The following CIMAP1C variants were observed in gnomAD, a reference collection of about 807,000 sequenced individuals.
CIMAP1C encodes the protein outer dense fiber of sperm tails 3 like 1.
At chr15:75,724,189 C>T in the CIMAP1C span, 1 of 1,595,470 alleles carries the variant, frequency 6.3e-7, no homozygotes, top group Non-Finnish European at 8.6e-7. Context: ...GCTCCCTGCC[C>T]AGCCCCAGCC....
the CIMAP1C span, chr15:75,725,171 T>A: frequency 6.2e-7 from 1 of 1,613,932 alleles, no homozygotes; most frequent in Non-Finnish European, 8.5e-7. Flanking sequence ...GACATCTCCA[T>A]GTTCAAGGCA....
the CIMAP1C span, among the ~76,000 whole-genome samples, chr15:75,726,409 T>G: frequency 6.6e-6 from 1 of 152,176 alleles, no homozygotes; most frequent in African/African-American, 2.4e-5. Flanking sequence ...CTGTTGTGGA[T>G]GCAATATTGT....
chr15:75,724,996 G>T, the CIMAP1C span: 1 of 689,274 alleles, frequency 1.5e-6, no homozygotes, highest in South Asian at 1.7e-5. Flanking sequence ...GTGGCAGTGC[G>T]ATAGCAGCAA....
At chr15:75,724,160 C>G in the CIMAP1C span, 11 of 1,399,690 alleles carry the variant, frequency 7.9e-6, no homozygotes, top group African/African-American at 1.4e-5. Flanking sequence ...GCTGTTTAGA[C>G]CCTGCTGTAG....
the CIMAP1C span, chr15:75,724,283 C>T: frequency 6.2e-7 from 1 of 1,613,928 alleles, no homozygotes; most frequent in South Asian, 1.1e-5. Context: ...GGCAGGAGGT[C>T]AAGCAGACCC....
At chr15:75,727,365 C>G in the CIMAP1C span, 1 of 1,614,178 alleles carries the variant, frequency 6.2e-7, no homozygotes, top group Non-Finnish European at 8.5e-7. Context: ...AACCGCAGCC[C>G]TACTTACAGC....
chr15:75,727,613 C>T, the CIMAP1C span: 6 of 1,445,134 alleles, frequency 4.2e-6, no homozygotes, highest in Non-Finnish European at 5.6e-6. Context: ...GCAATTTGAC[C>T]AAGATTTCTA....
the CIMAP1C span, chr15:75,727,321 C>A: frequency 5.0e-6 from 8 of 1,614,034 alleles, no homozygotes; most frequent in African/African-American, 1.1e-4. Context: ...CTGGACCTAC[C>A]ACGTACGCCC....
chr15:75,727,663 A>C, the CIMAP1C span: 1 of 945,106 alleles, frequency 1.1e-6, no homozygotes, highest in East Asian at 2.5e-5. Context: ...GGCACACAGA[A>C]GACATTAGAG....
the CIMAP1C span, chr15:75,725,250 G>A: frequency 6.7e-7 from 1 of 1,487,308 alleles, no homozygotes; most frequent in East Asian, 2.3e-5. Context: ...ATCCGGCTGG[G>A]GTTGGAGCTG....
chr15:75,725,284 C>T, the CIMAP1C span: 1 of 1,197,914 alleles, frequency 8.3e-7, no homozygotes, highest in Non-Finnish European at 1.2e-6. Context: ...AGGGGAGAGA[C>T]ATGGAGCCAT....
chr15:75,727,225 C>T, the CIMAP1C span: 4 of 1,614,170 alleles, frequency 2.5e-6, no homozygotes, highest in Non-Finnish European at 3.4e-6. Flanking sequence ...TGGGGCCCAA[C>T]ACCCCTGTCA....
chr15:75,726,525 G>A, the CIMAP1C span, among the ~76,000 whole-genome samples: 1 of 152,156 alleles, frequency 6.6e-6, no homozygotes, highest in East Asian at 1.9e-4. Flanking sequence ...GGTAATCCAA[G>A]GGGAATGTTA....
the CIMAP1C span, chr15:75,725,114 G>A: frequency 6.2e-7 from 1 of 1,613,472 alleles, no homozygotes; most frequent in South Asian, 1.1e-5. Flanking sequence ...ACAGGTCCGG[G>A]GCCCGCCAAG....
At chr15:75,724,919 G>A in the CIMAP1C span, among the ~76,000 whole-genome samples, 1 of 152,192 alleles carries the variant, frequency 6.6e-6, no homozygotes, top group East Asian at 1.9e-4. Flanking sequence ...TCTGTCCAAG[G>A]GAAACTGCAT....
chr15:75,727,174 C>G, the CIMAP1C span: 2 of 1,614,132 alleles, frequency 1.2e-6, no homozygotes, highest in Non-Finnish European at 1.7e-6. Context: ...GAGTGATGGA[C>G]CTCAACCCGG....
At chr15:75,724,242 C>T in the CIMAP1C span, 3,129 of 1,614,138 alleles carry the variant, frequency 1.9e-3, 70 homozygotes, top group African/African-American at 0.037. Flanking sequence ...GTACTTTGCA[C>T]AGCACCCAGA....
At chr15:75,725,364 G>A in the CIMAP1C span, 2 of 663,630 alleles carry the variant, frequency 3.0e-6, no homozygotes, top group South Asian at 1.8e-5. Flanking sequence ...AGCGGGGATT[G>A]AGGGTGGGGC....
the CIMAP1C span, chr15:75,727,217 G>A: frequency 1.9e-5 from 30 of 1,613,938 alleles, no homozygotes; most frequent in Non-Finnish European, 2.4e-5. Context: ...ACTCTTGCTG[G>A]GGCCCAACAC....
Sources: allele counts gnomAD v4.1 joint callset (sites outside exome capture counted in the v4.1 genomes callset), GRCh38; gene constraint gnomAD v4.1.1; transcripts MANE v1.5; gene names NCBI Gene and HGNC (gene_info 2026-07-23, HGNC 2026-07-21).